DNHD1: variants seen among roughly 807,000 people sequenced by gnomAD.
DNHD1 encodes the protein dynein heavy chain domain 1.
DNHD1 carries 383 observed loss-of-function variants against 458.1 expected under a neutral mutation model. The ratio of observed to expected loss-of-function variants is 0.84; its 90% confidence interval spans 0.77 to 0.91. The LOEUF (loss-of-function observed/expected upper bound fraction) is 0.91, where lower values mean the gene tolerates loss of function less well. DNHD1 is among the 40% of genes least tolerant of loss of function. The probability of loss-of-function intolerance (pLI) is 0.00; values close to 1 mark genes in which losing one functional copy is unlikely to be tolerated. For synonymous variants in DNHD1, 2,203 were observed against 2,376.9 expected (o/e 0.93, Z 2.13); for missense variants, 5,336 against 5,866.1 (o/e 0.91, Z 2.95).
At chr11:6,512,211 C>CTTTTTTTTTTTTTTTTTTT (rs11287049) in intron 7 of DNHD1, among the ~76,000 whole-genome samples, 4 of 91,630 alleles carry the variant, frequency 4.4e-5, no homozygotes, top group African/African-American at 1.4e-4. Context: ...CTTTTTCTTT[C>CTTTTTTTTTTTTTTTTTTT]TTTTTTTTTT....
chr11:6,547,186 T>G lies in DNHD1; in HGVS notation c.6247T>G (p.Trp2083Gly), dbSNP rs367704253. 1.8e-5 allele frequency: 28 copies of G among 1,551,662 alleles called. No individual in the cohort carries two copies. In the African/African-American group the frequency reaches 3.7e-4, roughly 20 times the overall value. The change falls in exon 21 of 43, where the codon TGG (tryptophan) becomes GGG (glycine). Residue 2083 changes from tryptophan (W) to glycine (G), a missense_variant. Physicochemically the swap from Trp to Gly is radical, Grantham distance 184. This residue lies in a region of DNHD1 where 3,932 missense variants were observed against 4,365.6 expected (regional missense o/e 0.90). Transcript: ENST00000254579. Reference sequence around the variant, plus strand: ...AGAGGAATCAATCGGGATCCAGCACTGGATAATATGTGATGGAGCCTCCAA... The same window carrying G: ...AGAGGAATCAATCGGGATCCAGCACGGGATAATATGTGATGGAGCCTCCAA... ...QTEESIGIQH[W>G]IICDGASNGA...
At chr11:6,525,250 C>A (rs1439487860) in intron 10 of DNHD1, among the ~76,000 whole-genome samples, 1 of 152,170 alleles carries the variant, frequency 6.6e-6, no homozygotes, top group East Asian at 1.9e-4. Context: ...CCATCAGACT[C>A]ACTTTTACAT....
intron 7 of DNHD1, among the ~76,000 whole-genome samples, chr11:6,514,337 C>T (rs1453292086): frequency 6.6e-6 from 1 of 152,210 alleles, no homozygotes; most frequent in African/African-American, 2.4e-5. Context: ...CTCCTGATCT[C>T]AAGTGATTCA....
intron 18 of DNHD1, among the ~76,000 whole-genome samples, chr11:6,543,518 T>TA (rs5789472): frequency 0.43 from 64,725 of 151,932 alleles, 14,041 homozygotes; most frequent in Non-Finnish European, 0.48. Flanking sequence ...TCCATGGAGT[T>TA]ACGTGGATAC....
At chr11:6,502,965 C>T (rs756854436) in intron 4 of DNHD1, 39 bp downstream of exon 4, 2 of 1,603,712 alleles carry the variant, frequency 1.2e-6, no homozygotes, top group Non-Finnish European at 1.7e-6. Context: ...CTCCCCCTGC[C>T]TGGTTTCCTT....
chr11:6,536,596 A>G (rs1367454994), intron 14 of DNHD1, among the ~76,000 whole-genome samples: 1 of 152,250 alleles, frequency 6.6e-6, no homozygotes, highest in Non-Finnish European at 1.5e-5. Flanking sequence ...ATATATATCT[A>G]TACCTATGGA....
At chr11:6,541,688 G>A (rs1226200358) in intron 18 of DNHD1, among the ~76,000 whole-genome samples, 1 of 152,056 alleles carries the variant, frequency 6.6e-6, no homozygotes, top group African/African-American at 2.4e-5. Flanking sequence ...AACAATAGAG[G>A]GTCACTGCAT....
rs536487495 is a variant in DNHD1, at chr11:6,513,606, A to T, written c.1392+2177A>T. ...ATGAATGACCACAATTTATATATTC[A>T]TTCTTCTATTGTGGACATTTGGGTT... On this transcript the variant is annotated intron_variant, in intron 7 of 42. Transcript: ENST00000254579. 1.8e-3 allele frequency among the ~76,000 whole-genome samples: 273 copies of T among 152,182 alleles called. 1 individual carries two copies. The highest frequency in any genetic ancestry group is 3.4e-3 in the Non-Finnish European group (231 of 68,038).
chr11:6,570,974 G>T lies in DNHD1; in HGVS notation c.13462G>T (p.Glu4488Ter). The T allele has an allele frequency of 6.2e-7, 1 of 1,606,384 alleles. No individual in the cohort carries two copies. The highest frequency in any genetic ancestry group is 8.5e-7 in the Non-Finnish European group (1 of 1,174,246). ...RRPLEGVLET[E>*]ALELSQLVGT... Reference sequence around the variant, plus strand: ...GCCTCTGGAGGGCGTCTTAGAGACCGAGGCTCTAGAACTGAGCCAGTTGGT... The same window carrying T: ...GCCTCTGGAGGGCGTCTTAGAGACCTAGGCTCTAGAACTGAGCCAGTTGGT... The change falls in exon 42 of 43, where the codon GAG becomes TAG. Residue 4488 changes from glutamate (E) to a stop codon, truncating the protein, a stop_gained. Coordinates refer to ENST00000254579, the MANE Select transcript of DNHD1 (RefSeq NM_144666.3). LOFTEE classifies it high-confidence loss of function.
In DNHD1 at chr11:6,547,641, A is replaced by C. The variant is rs930790454; in HGVS notation, c.6702A>C (p.Leu2234=). Residue 2234 remains leucine (L), a synonymous_variant, in exon 21 of 43, where the codon CTA becomes CTC. Coordinates refer to ENST00000254579, the MANE Select transcript of DNHD1 (RefSeq NM_144666.3). ...LHSLLDLHLR[L]KEEKAPGPED... The stretch of plus-strand genomic sequence containing the variant: ...GTCTGCTTGACCTCCACCTTCGCCT[A>C]AAGGAGGAGAAGGCCCCTGGCCCAG... The C allele has an allele frequency of 1.3e-6, 2 of 1,528,798 alleles. No individual in the cohort carries two copies. Among genetic ancestry groups the C allele is most frequent in the Non-Finnish European group, 1.8e-6 (2 of 1,131,440 alleles). 94.7% of individuals were successfully genotyped at this position (1,528,798 alleles called of 1,614,324 possible). A position where few individuals can be genotyped will look rare whatever the true frequency, so the allele number is the denominator to read the frequency against.
In DNHD1 at chr11:6,528,527, G is replaced by C. The variant is rs1344297422; in HGVS notation, c.1843G>C (p.Asp615His). 1 of 1,549,152 alleles carries C rather than the reference G, an allele frequency of 6.5e-7. No individual in the cohort carries two copies. The highest frequency in any genetic ancestry group is 8.7e-7 in the Non-Finnish European group (1 of 1,144,852). The part of the protein sequence containing the change: ...SSDSLYSEEE[D>H]EEEDSKDEFL... ...TATGGCCTGTGCTCCACTAGAAGAAGATGAAGAGGAGGACTCAAAAGACGA... is the reference window on the plus strand; with the variant it reads ...TATGGCCTGTGCTCCACTAGAAGAACATGAAGAGGAGGACTCAAAAGACGA... Residue 615 changes from aspartate (D) to histidine (H), a missense_variant, in exon 11 of 43, where the codon GAT (aspartate) becomes CAT (histidine). This residue lies in a region of DNHD1 where 3,932 missense variants were observed against 4,365.6 expected (regional missense o/e 0.90). Coordinates refer to ENST00000254579, the MANE Select transcript of DNHD1 (RefSeq NM_144666.3).
Position 6,517,652 on chromosome 11 carries a change from CTTTTTTTTT to C in DNHD1, c.1393-1922_1393-1914del, listed in dbSNP as rs59300977. ...ACAAATACTGTATGATCTAGGACTTCTTTTTTTTTTTTTTTTTTTTTTTTTTTTTTTTTT... is the reference window on the plus strand; with the variant it reads ...ACAAATACTGTATGATCTAGGACTTCTTTTTTTTTTTTTTTTTTTTTTTTT... On this transcript the variant is annotated intron_variant, in intron 7 of 42. Transcript: ENST00000254579. 2.8e-3 allele frequency among the ~76,000 whole-genome samples: 167 copies of C among 59,050 alleles called. 1 individual carries two copies. Among genetic ancestry groups the C allele is most frequent in the African/African-American group, 6.2e-3 (111 of 18,040 alleles). The allele number at this position is 59,050 out of a possible 152,430, so 38.7% of individuals were successfully genotyped here.
At chr11:6,520,327 A>G in intron 10 of DNHD1, 38 bp downstream of exon 10, 2 of 1,551,436 alleles carry the variant, frequency 1.3e-6, no homozygotes, top group East Asian at 4.9e-5. Context: ...AGGAAGGCTG[A>G]AGGAGGGAAA....
At position 6,498,930 on chromosome 11, in the gene DNHD1, G is replaced by C; in HGVS notation, c.715G>C (p.Glu239Gln). 6.2e-7 allele frequency: 1 copy of C among 1,611,682 alleles called. No individual in the cohort carries two copies. The highest frequency in any genetic ancestry group is 8.5e-7 in the Non-Finnish European group (1 of 1,178,556). The change falls in exon 3 of 43, where the codon GAG becomes CAG. Residue 239 changes from glutamate (E) to glutamine (Q), a missense_variant. This residue lies in a region of DNHD1 where 3,932 missense variants were observed against 4,365.6 expected (regional missense o/e 0.90). Transcript: ENST00000254579. ...RYESSDTDNA[E>Q]VEPVGRKETR... ...TGAAAGCAGTGACACTGACAATGCA[G>C]AGGTGGAGCCTGTTGGAAGAAAAGA...
chr11:6,570,172 C>T (rs994726760), intron 40 of DNHD1, 72 bp downstream of exon 40: 1 of 1,613,534 alleles, frequency 6.2e-7, no homozygotes, highest in Non-Finnish European at 8.5e-7. Context: ...GGGTGGGATA[C>T]AATTCACAGC....
chr11:6,545,720 G>A lies in DNHD1; in HGVS notation c.4781G>A (p.Ser1594Asn), dbSNP rs868782683. The A allele has an allele frequency of 6.4e-7, 1 of 1,551,712 alleles. No homozygotes were observed. Among genetic ancestry groups the A allele is most frequent in the Middle Eastern group, 1.7e-4 (1 of 5,992 alleles). Reference protein sequence around the residue: ...IAQLLEQHQVSDLTDFHWVRQ... With the variant: ...IAQLLEQHQVNDLTDFHWVRQ... ...CAGCTGCTGGAACAGCACCAGGTCA[G>A]TGATCTCACAGACTTTCACTGGGTC... is the stretch of plus-strand genomic sequence containing the variant. The change falls in exon 21 of 43, where the codon AGT becomes AAT. Residue 1594 changes from serine (S) to asparagine (N), a missense_variant. Coordinates refer to ENST00000254579, the MANE Select transcript of DNHD1 (RefSeq NM_144666.3). This position sits in a 1 kb window ranked among gnomAD's most constrained non-coding sequence, Gnocchi z 4.9.
Position 6,528,576 on chromosome 11 carries a change from G to T in DNHD1, c.1892G>T (p.Gly631Val). 6.4e-7 allele frequency: 1 copy of T among 1,551,532 alleles called. No individual in the cohort carries two copies. Among genetic ancestry groups the T allele is most frequent in the Non-Finnish European group, 8.7e-7 (1 of 1,146,834 alleles). ...GAATTTCTGATGCCCAAGTTCCAGG[G>T]CCAGCCCAGCGATGCTGTGAGCATC... ...KDEFLMPKFQ[G>V]QPSDAVSIFC... Residue 631 changes from glycine (G) to valine (V), a missense_variant, in exon 11 of 43, where the codon GGC (glycine) becomes GTC (valine). Physicochemically the swap from Gly to Val is moderately radical, Grantham distance 109. This residue lies in a region of DNHD1 where 3,932 missense variants were observed against 4,365.6 expected (regional missense o/e 0.90). Transcript: ENST00000254579.
At chr11:6,510,985 C>T (rs147181970) in intron 6 of DNHD1, among the ~76,000 whole-genome samples, 329 of 152,266 alleles carry the variant, frequency 2.2e-3, no homozygotes, top group African/African-American at 7.7e-3. Context: ...CTAAGTCAGA[C>T]CTTGGTATCT....
intron 10 of DNHD1, chr11:6,520,513 A>C (rs1852584962): frequency 7.1e-7 from 1 of 1,401,150 alleles, no homozygotes; most frequent in African/African-American, 1.4e-5. Flanking sequence ...GCGTGCAATG[A>C]GAGGGTGTAT....
Sources: allele counts gnomAD v4.1 joint callset (sites outside exome capture counted in the v4.1 genomes callset), GRCh38; gene constraint gnomAD v4.1.1; regional missense constraint gnomAD v4.1.1; non-coding constraint Gnocchi (gnomAD v3.1); transcripts MANE v1.5; gene names NCBI Gene and HGNC (gene_info 2026-07-23, HGNC 2026-07-21).